The following STMN2 variants were observed in gnomAD, a reference collection of about 807,000 sequenced individuals.
STMN2 encodes stathmin-2.
Under a neutral mutation model 24.1 loss-of-function variants are expected in STMN2, and 2 were observed. That is an observed-to-expected ratio of 0.08 (90% CI 0.03 to 0.26). The LOEUF is 0.26. Ranked by LOEUF, STMN2 falls within the 10% of genes least tolerant of loss-of-function variation. The probability of loss-of-function intolerance (pLI) is 1.00; values close to 1 mark genes in which losing one functional copy is unlikely to be tolerated. For synonymous variants in STMN2, 83 were observed against 77.5 expected (o/e 1.07, Z -0.37); for missense variants, 114 against 213.6 (o/e 0.53, Z 2.91).
intron 2 of STMN2, among the ~76,000 whole-genome samples, chr8:79,639,627 T>A (rs1810046600): frequency 2.6e-5 from 4 of 152,234 alleles, no homozygotes; most frequent in Non-Finnish European, 5.9e-5. Context: ...AACATAAGGG[T>A]CTGATAATCT....
At chr8:79,640,379 C>T (rs7837931) in intron 2 of STMN2, among the ~76,000 whole-genome samples, 2,431 of 152,250 alleles carry the variant, frequency 0.016, 71 homozygotes, top group African/African-American at 0.056. Flanking sequence ...CTTTCTGTGC[C>T]TAGCTTATTT....
intron 1 of STMN2, among the ~76,000 whole-genome samples, chr8:79,625,866 G>A (rs1299025891): frequency 6.6e-6 from 1 of 152,088 alleles, no homozygotes; most frequent in African/African-American, 2.4e-5. Flanking sequence ...GCTGAGGCAG[G>A]GAGAATCGCT....
intron 1 of STMN2, among the ~76,000 whole-genome samples, chr8:79,621,574 G>T (rs1045774502): frequency 6.6e-6 from 1 of 152,156 alleles, no homozygotes; most frequent in African/African-American, 2.4e-5. Flanking sequence ...CTTAAATGAA[G>T]GTTGGCTCAG....
rs796567368 is a variant in STMN2 at position 79,622,240 on chromosome 8, C to A, written c.19+11026C>A. 2.0e-5 allele frequency among the ~76,000 whole-genome samples: 3 copies of A among 152,020 alleles called. No individual in the cohort carries two copies. The South Asian group carries it at 6.2e-4, about 32-fold the overall frequency. On this transcript the variant is annotated intron_variant, in intron 1 of 4. Transcript: ENST00000220876. Reference sequence around the variant, plus strand: ...TCAGTTATGAAATGGGAAAACAATACCTAAATCACATGGTTGTTAAGTAAG... The same window carrying A: ...TCAGTTATGAAATGGGAAAACAATAACTAAATCACATGGTTGTTAAGTAAG...
At position 79,620,593 on chromosome 8, in the gene STMN2, A is replaced by G. The variant is rs376896012; in HGVS notation, c.19+9379A>G. Reference sequence around the variant, plus strand: ...ATAGTAATAATGGTAATTTATAACTATAAATGGAAGTCACCATCTCACAAT... The same window carrying G: ...ATAGTAATAATGGTAATTTATAACTGTAAATGGAAGTCACCATCTCACAAT... On this transcript the variant is annotated intron_variant, in intron 1 of 4. Coordinates refer to ENST00000220876, the MANE Select transcript of STMN2 (RefSeq NM_007029.4). Among the ~76,000 whole-genome samples the G allele has an allele frequency of 2.0e-5, 3 of 152,354 alleles. No homozygotes were observed. The East Asian group carries it at 5.8e-4, about 29-fold the overall frequency.
intron 3 of STMN2, 62 bp downstream of exon 3, chr8:79,641,612 T>G (rs967390844): frequency 2.3e-5 from 29 of 1,276,500 alleles, no homozygotes; most frequent in Middle Eastern, 2.5e-4. Flanking sequence ...TCTCACACAC[T>G]CGGGCACACA....
At chr8:79,636,667 A>G in intron 1 of STMN2, 135 bp from the exon 2 acceptor site, 1 of 748,888 alleles carries the variant, frequency 1.3e-6, no homozygotes, top group Non-Finnish European at 2.2e-6. Context: ...CTTTATATTT[A>G]GTGAAAGAAT....
At chr8:79,648,610 C>T (rs937462519) in intron 3 of STMN2, among the ~76,000 whole-genome samples, 58 of 151,744 alleles carry the variant, frequency 3.8e-4, no homozygotes, top group African/African-American at 1.4e-3. Flanking sequence ...TTATAGGCAC[C>T]CACCACCACA....
chr8:79,641,564 T>C lies in STMN2; in HGVS notation c.288+14T>C. ...GAAAGAAGAAAGGTAACTTTTTCCA[T>C]AGGTTTTCCTTCTCTCTCTCCCTCC... On this transcript the variant is annotated intron_variant, in intron 3 of 4. Transcript: ENST00000220876. The C allele has an allele frequency of 6.2e-7, 1 of 1,609,648 alleles. No individual in the cohort carries two copies. Among genetic ancestry groups the C allele is most frequent in the Non-Finnish European group, 8.5e-7 (1 of 1,178,394 alleles).
intron 1 of STMN2, among the ~76,000 whole-genome samples, chr8:79,631,216 C>A (rs932016475): frequency 3.3e-5 from 5 of 152,172 alleles, no homozygotes; most frequent in Non-Finnish European, 7.3e-5. Context: ...TTTTCCTTGT[C>A]ACTATCACTG....
intron 1 of STMN2, among the ~76,000 whole-genome samples, chr8:79,625,945 G>A (rs1809643194): frequency 6.6e-6 from 1 of 151,988 alleles, no homozygotes; most frequent in African/African-American, 2.4e-5. Flanking sequence ...GGCAACAAGA[G>A]CAAAAAACTC....
intron 4 of STMN2, among the ~76,000 whole-genome samples, chr8:79,656,700 T>A (rs10107492): frequency 0.76 from 115,322 of 152,060 alleles, 44,205 homozygotes; most frequent in South Asian, 0.85. Context: ...CTCAACCTTC[T>A]TCTCACATCC....
At chr8:79,636,727 T>C in intron 1 of STMN2, 75 bp from the exon 2 acceptor site, 2 of 1,335,830 alleles carry the variant, frequency 1.5e-6, no homozygotes, top group South Asian at 1.2e-5. Flanking sequence ...CAATAATTAT[T>C]ATTCAAATTA....
intron 4 of STMN2, among the ~76,000 whole-genome samples, chr8:79,659,865 C>G (rs7821045): frequency 0.16 from 23,636 of 152,008 alleles, 2,150 homozygotes; most frequent in Non-Finnish European, 0.21. Context: ...AAAGACATCT[C>G]CAAAAAGCCT....
intron 3 of STMN2, among the ~76,000 whole-genome samples, chr8:79,654,180 A>C (rs1012356605): frequency 1.3e-5 from 2 of 152,178 alleles, no homozygotes; most frequent in Non-Finnish European, 2.9e-5. Flanking sequence ...TGCTGGAAGA[A>C]AATTACAGTG....
At chr8:79,627,225 T>A (rs1020325485) in intron 1 of STMN2, among the ~76,000 whole-genome samples, 5 of 152,226 alleles carry the variant, frequency 3.3e-5, no homozygotes, top group Admixed American at 3.3e-4. Flanking sequence ...AGCCAACGTG[T>A]GCCTTCATTT....
chr8:79,621,213 T>C lies in STMN2; in HGVS notation c.19+9999T>C, dbSNP rs149718264. Among the ~76,000 whole-genome samples the C allele has an allele frequency of 2.4e-3, 366 of 152,296 alleles. 3 individuals are homozygous for C. Among genetic ancestry groups the C allele is most frequent in the Admixed American group, 3.1e-3 (48 of 15,306 alleles). ...TTCCTCTAATTCAGCATCTGTAAAATAGCCATGTGAACTGCCTTGTCCATA... is the reference window on the plus strand; with the variant it reads ...TTCCTCTAATTCAGCATCTGTAAAACAGCCATGTGAACTGCCTTGTCCATA... On this transcript the variant is annotated intron_variant, in intron 1 of 4. Coordinates refer to ENST00000220876, the MANE Select transcript of STMN2 (RefSeq NM_007029.4).
chr8:79,634,973 T>C (rs1173709732), intron 1 of STMN2, among the ~76,000 whole-genome samples: 1 of 152,202 alleles, frequency 6.6e-6, no homozygotes, highest in East Asian at 1.9e-4. Flanking sequence ...GTTTATACTT[T>C]CTCACAAGTT....
chr8:79,613,676 G>C (rs1809306431), intron 1 of STMN2: 1 of 985,328 alleles, frequency 1.0e-6, no homozygotes, highest in Non-Finnish European at 1.2e-6. Context: ...AAAGGGACGT[G>C]GATTGCTCTT....
Sources: gnomAD v4.1 joint callset for allele counts (sites outside exome capture counted in the v4.1 genomes callset) on GRCh38, gnomAD v4.1.1 for gene constraint, MANE v1.5 for transcripts, NCBI Gene and HGNC (gene_info 2026-07-23, HGNC 2026-07-21) for gene names.